Variants in VPS13B observed in about 807,000 individuals in gnomAD.
The protein encoded by VPS13B is vacuolar protein sorting 13 homolog B, also known as intermembrane lipid transfer protein VPS13B.
Under a neutral mutation model 426.4 loss-of-function variants are expected in VPS13B, and 285 were observed. That is an observed-to-expected ratio of 0.67 (90% CI 0.61 to 0.74). The LOEUF is 0.74. VPS13B is among the 30% of genes least tolerant of loss of function. VPS13B has a pLI of 0.00. For synonymous variants in VPS13B, 1,676 were observed against 1,676.4 expected, an observed-to-expected ratio of 1.00 and a Z score of 0.01; for missense variants, 4,537 against 4,782.6, an observed-to-expected ratio of 0.95 and a Z score of 1.51.
At chr8:99,547,410 T>C (rs1043478385) in intron 30 of VPS13B, among the ~76,000 whole-genome samples, 1 of 152,074 alleles carries the variant, frequency 6.6e-6, no homozygotes, top group African/African-American at 2.4e-5. Context: ...AATCAAGGCA[T>C]AAAAGTTTTA....
At chr8:99,863,314 C>T (rs1447624120) in intron 58 of VPS13B, among the ~76,000 whole-genome samples, 1 of 152,116 alleles carries the variant, frequency 6.6e-6, no homozygotes, top group Non-Finnish European at 1.5e-5. Flanking sequence ...GTAATATTTT[C>T]ACTTAATCCA....
At chr8:99,648,567 C>T (rs1396310338) in intron 34 of VPS13B, among the ~76,000 whole-genome samples, 4 of 152,048 alleles carry the variant, frequency 2.6e-5, no homozygotes, top group African/African-American at 9.7e-5. Flanking sequence ...CTGGGGTTTC[C>T]AGTATGCATG....
intron 2 of VPS13B, among the ~76,000 whole-genome samples, chr8:99,029,157 T>C (rs1587934976): frequency 8.5e-6 from 1 of 117,306 alleles, no homozygotes; most frequent in Admixed American, 9.3e-5. Context: ...GGGGCAGAGG[T>C]GCTCCCCACA....
In VPS13B at chr8:99,854,245, T is replaced by A; in HGVS notation, c.10856T>A (p.Leu3619His). The change falls in exon 56 of 62, where the codon CTT becomes CAT. Residue 3619 changes from leucine to histidine, a missense_variant. Coordinates refer to ENST00000357162, the MANE Select transcript of VPS13B (RefSeq NM_152564.5). The stretch of plus-strand genomic sequence containing the variant: ...GCAATGCACTATGCCGCTGGGGCCC[T>A]TTTTAGAGCAGGTAAGAACACAAGC... ...ALAMHYAAGALFRAGWVVGSL... is the reference protein window; with the variant it reads ...ALAMHYAAGAHFRAGWVVGSL... 1 of 1,613,496 alleles carries A rather than the reference T, an allele frequency of 6.2e-7. No individual in the cohort carries two copies. The highest frequency in any genetic ancestry group is 8.5e-7 in the Non-Finnish European group (1 of 1,179,912).
intron 34 of VPS13B, among the ~76,000 whole-genome samples, chr8:99,649,623 C>T (rs1020332310): frequency 7.3e-6 from 1 of 137,512 alleles, no homozygotes; most frequent in African/African-American, 2.7e-5. Flanking sequence ...GTCCCCTCTA[C>T]ATACACACAC....
chr8:99,852,135 A>G (rs1160704635), intron 55 of VPS13B, among the ~76,000 whole-genome samples: 1 of 152,222 alleles, frequency 6.6e-6, no homozygotes, highest in Non-Finnish European at 1.5e-5. Context: ...TTTTGGTCTG[A>G]GCAACTGGTA....
rs1845703147 is a variant in VPS13B, at chr8:99,085,123, G to T, written c.292-11189G>T. ...GTAGGTCTCTAAGGACTTGCTTTATGAATCTGGGTGCTCCTTTATTGGGTG... is the reference window on the plus strand; with the variant it reads ...GTAGGTCTCTAAGGACTTGCTTTATTAATCTGGGTGCTCCTTTATTGGGTG... On this transcript the variant is annotated intron_variant, in intron 3 of 61. Coordinates refer to ENST00000357162, the MANE Select transcript of VPS13B (RefSeq NM_152564.5). Among the ~76,000 whole-genome samples, 2 of 152,126 alleles carry T rather than the reference G, an allele frequency of 1.3e-5. 1 individual carries two copies. The highest frequency in any genetic ancestry group is 1.3e-4 in the Admixed American group (2 of 15,266).
intron 34 of VPS13B, among the ~76,000 whole-genome samples, chr8:99,648,787 C>T (rs921884135): frequency 6.6e-6 from 1 of 152,140 alleles, no homozygotes; most frequent in Non-Finnish European, 1.5e-5. Context: ...GGAAAGTGGT[C>T]TTTTGTATTC....
chr8:99,347,988 T>A (rs1811635603), intron 19 of VPS13B: 1 of 152,378 alleles, frequency 6.6e-6, no homozygotes, highest in Admixed American at 6.5e-5. Flanking sequence ...TATGGCCATT[T>A]GGCCACCTCT....
intron 33 of VPS13B, among the ~76,000 whole-genome samples, chr8:99,619,867 C>T (rs923852001): frequency 6.8e-6 from 1 of 147,444 alleles, no homozygotes; most frequent in Non-Finnish European, 1.5e-5. Context: ...AGAGCAAGAC[C>T]CTGTCTCAAA....
chr8:99,583,368 TA>T (rs1221641548), intron 33 of VPS13B, among the ~76,000 whole-genome samples: 20 of 152,306 alleles, frequency 1.3e-4, no homozygotes, highest in African/African-American at 3.8e-4. Flanking sequence ...TTTACTACAT[TA>T]AAAAGTATAA....
chr8:99,454,664 G>A (rs895240794), intron 23 of VPS13B, among the ~76,000 whole-genome samples: 2 of 152,136 alleles, frequency 1.3e-5, no homozygotes, highest in African/African-American at 4.8e-5. Context: ...GTACATGCAT[G>A]ACTGCCAGAT....
intron 20 of VPS13B, chr8:99,389,488 A>G (rs1475601014): frequency 6.6e-6 from 1 of 152,192 alleles, no homozygotes; most frequent in South Asian, 2.1e-4. Flanking sequence ...GACCTTAATG[A>G]TAACATAAAT....
chr8:99,852,449 G>A (rs1411394380), intron 55 of VPS13B, among the ~76,000 whole-genome samples: 1 of 152,220 alleles, frequency 6.6e-6, no homozygotes, highest in Non-Finnish European at 1.5e-5. Flanking sequence ...ACTTTAAGAG[G>A]TCAGGGAGAG....
chr8:99,201,060 G>A (rs1669364235), intron 17 of VPS13B, among the ~76,000 whole-genome samples: 1 of 150,476 alleles, frequency 6.6e-6, no homozygotes, highest in Non-Finnish European at 1.5e-5. Context: ...CATTCCCATT[G>A]GCCAACATTT....
intron 3 of VPS13B, among the ~76,000 whole-genome samples, chr8:99,079,925 CAA>C (rs1354807619): frequency 7.5e-5 from 9 of 119,844 alleles, no homozygotes; most frequent in Non-Finnish European, 1.2e-4. Context: ...AACTCCATCT[CAA>C]AAAAAAAAAA....
In VPS13B at chr8:99,121,109, A is replaced by C. The variant is rs889305273; in HGVS notation, c.938-68A>C. On this transcript the variant is annotated intron_variant, in intron 7 of 61. Coordinates refer to ENST00000357162, the MANE Select transcript of VPS13B (RefSeq NM_152564.5). The stretch of plus-strand genomic sequence containing the variant: ...GATATGGGAGGAAAAATTTTAAAGG[A>C]TGTCTATTTCTATTCTCTTAGTTAA... 3 of 1,478,366 alleles carry C rather than the reference A, an allele frequency of 2.0e-6. No individual in the cohort carries two copies. The African/African-American group carries it at 4.2e-5, about 21-fold the overall frequency. 91.6% of individuals were successfully genotyped at this position (1,478,366 alleles called of 1,614,324 possible).
At chr8:99,596,653 T>A (rs2133849443) in intron 33 of VPS13B, among the ~76,000 whole-genome samples, 1 of 152,122 alleles carries the variant, frequency 6.6e-6, no homozygotes, top group South Asian at 2.1e-4. Context: ...AAGGACAAAC[T>A]CTGACGTTGC....
At chr8:99,494,172 TG>T (rs1386390528) in intron 25 of VPS13B, among the ~76,000 whole-genome samples, 2 of 152,188 alleles carry the variant, frequency 1.3e-5, no homozygotes, top group Non-Finnish European at 2.9e-5. Context: ...TAAAATGTAC[TG>T]TTTTTACCAT....
Sources: allele counts gnomAD v4.1 joint callset (sites outside exome capture counted in the v4.1 genomes callset), GRCh38; gene constraint gnomAD v4.1.1; transcripts MANE v1.5; gene names NCBI Gene and HGNC (gene_info 2026-07-23, HGNC 2026-07-21).